NEGR1: variants seen among roughly 807,000 people sequenced by gnomAD.
NEGR1 encodes neuronal growth regulator 1.
NEGR1 carries 10 observed loss-of-function variants against 40.9 expected under a neutral mutation model. The observed-to-expected ratio is 0.24, with a 90% confidence interval of 0.15 to 0.42. The LOEUF is 0.42. Ranked by LOEUF, NEGR1 falls within the 10% of genes least tolerant of loss-of-function variation. The probability of loss-of-function intolerance (pLI) is 1.00; values close to 1 mark genes in which losing one functional copy is unlikely to be tolerated. For missense variants in NEGR1, 352 were observed against 438.9 expected (o/e 0.80, Z 1.77); for synonymous variants, 185 against 166.8 (o/e 1.11, Z -0.84).
chr1:72,243,975 C>G (rs1386794368), intron 1 of NEGR1, among the ~76,000 whole-genome samples: 1 of 151,734 alleles, frequency 6.6e-6, no homozygotes. Context: ...ATAGAGAAAG[C>G]TAGATTTATC....
chr1:72,052,551 G>T (rs1296636222), intron 1 of NEGR1, among the ~76,000 whole-genome samples: 1 of 151,370 alleles, frequency 6.6e-6, no homozygotes, highest in South Asian at 2.1e-4. Flanking sequence ...AACTTCAATT[G>T]ATGTCACAGG....
intron 2 of NEGR1, among the ~76,000 whole-genome samples, chr1:71,824,785 C>T (rs1339674696): frequency 2.0e-5 from 3 of 152,002 alleles, no homozygotes; most frequent in African/African-American, 7.2e-5. Context: ...TTCTTTTGCC[C>T]ACCAGAATGT....
chr1:71,702,987 T>C (rs1054974180), intron 3 of NEGR1, among the ~76,000 whole-genome samples: 1 of 152,044 alleles, frequency 6.6e-6, no homozygotes, highest in Non-Finnish European at 1.5e-5. Flanking sequence ...GGAGCTCATA[T>C]AGACAAAAAG....
chr1:71,869,685 A>G (rs1216937964), intron 2 of NEGR1, among the ~76,000 whole-genome samples: 1 of 152,170 alleles, frequency 6.6e-6, no homozygotes, highest in Non-Finnish European at 1.5e-5. Flanking sequence ...AAAACATAGT[A>G]ACAATCATAT....
chr1:71,983,325 C>T (rs535258381), intron 1 of NEGR1, among the ~76,000 whole-genome samples: 68 of 152,192 alleles, frequency 4.5e-4, no homozygotes, highest in African/African-American at 1.6e-3. Flanking sequence ...AGTACTTCTA[C>T]ACAGGGTTAT....
intron 6 of NEGR1, among the ~76,000 whole-genome samples, chr1:71,432,962 G>A (rs866092234): frequency 4.6e-5 from 7 of 152,174 alleles, no homozygotes; most frequent in Middle Eastern, 3.4e-3. Flanking sequence ...AACCTTGGGC[G>A]GCCAAGGGCC....
At chr1:71,740,204 C>T (rs1210629120) in intron 3 of NEGR1, among the ~76,000 whole-genome samples, 2 of 152,088 alleles carry the variant, frequency 1.3e-5, no homozygotes, top group Non-Finnish European at 2.9e-5. Flanking sequence ...TGAAGGCAGT[C>T]GAAACGTTTT....
intron 2 of NEGR1, among the ~76,000 whole-genome samples, chr1:71,780,058 A>G (rs1451821948): frequency 4.0e-5 from 6 of 150,048 alleles, no homozygotes; most frequent in African/African-American, 9.8e-5. Flanking sequence ...AAAAAAAAAA[A>G]AAAAAAAAAA....
At chr1:72,272,495 T>C (rs1655877367) in intron 1 of NEGR1, among the ~76,000 whole-genome samples, 1 of 152,014 alleles carries the variant, frequency 6.6e-6, no homozygotes, top group Non-Finnish European at 1.5e-5. Context: ...GATACCCTTA[T>C]ATAACAGGAT....
intron 6 of NEGR1, among the ~76,000 whole-genome samples, chr1:71,440,004 T>C (rs565156369): frequency 2.6e-5 from 4 of 152,208 alleles, no homozygotes; most frequent in Non-Finnish European, 5.9e-5. Context: ...ATAATTTTAT[T>C]GTTTTATTTT....
chr1:71,787,366 G>T (rs1431738391), intron 2 of NEGR1, among the ~76,000 whole-genome samples: 1 of 152,064 alleles, frequency 6.6e-6, no homozygotes, highest in Non-Finnish European at 1.5e-5. Context: ...TACTTATGTT[G>T]AAAACAAAAA....
intron 6 of NEGR1, among the ~76,000 whole-genome samples, chr1:71,447,114 T>C (rs1490479670): frequency 2.0e-5 from 3 of 152,222 alleles, no homozygotes; most frequent in Non-Finnish European, 4.4e-5. Flanking sequence ...CAGCGGGCCT[T>C]ACTGTCTGAA....
chr1:71,419,140 C>T (rs1041040218), intron 6 of NEGR1, among the ~76,000 whole-genome samples: 5 of 152,138 alleles, frequency 3.3e-5, no homozygotes, highest in African/African-American at 1.2e-4. Flanking sequence ...GCTTTCCCTT[C>T]TTCCCTATTT....
chr1:71,563,966 A>T (rs1198042965), intron 6 of NEGR1, among the ~76,000 whole-genome samples: 1 of 151,986 alleles, frequency 6.6e-6, no homozygotes, highest in Non-Finnish European at 1.5e-5. Flanking sequence ...GAGGAAAAAA[A>T]AAAAGACCAA....
intron 4 of NEGR1, among the ~76,000 whole-genome samples, chr1:71,660,408 T>G (rs2101589903): frequency 6.6e-6 from 1 of 152,188 alleles, no homozygotes; most frequent in East Asian, 1.9e-4. Flanking sequence ...TGAAATCATA[T>G]GTACAACAAG....
intron 1 of NEGR1, among the ~76,000 whole-genome samples, chr1:72,052,203 C>G (rs1008357895): frequency 5.9e-5 from 9 of 151,498 alleles, no homozygotes; most frequent in African/African-American, 2.2e-4. Flanking sequence ...GAAAGTGCTT[C>G]GTCAGGGTTG....
At chr1:71,446,258 A>G (rs903180075) in intron 6 of NEGR1, among the ~76,000 whole-genome samples, 11 of 152,204 alleles carry the variant, frequency 7.2e-5, no homozygotes, top group African/African-American at 2.7e-4. Flanking sequence ...TAGGCATTTC[A>G]AATCAGTTGT....
chr1:71,507,762 G>T (rs1647045285), intron 6 of NEGR1, among the ~76,000 whole-genome samples: 1 of 152,198 alleles, frequency 6.6e-6, no homozygotes, highest in Non-Finnish European at 1.5e-5. Context: ...CCTCAAGGGT[G>T]TTAAGGGGAA....
At chr1:72,031,206 C>T (rs1646855530) in intron 1 of NEGR1, among the ~76,000 whole-genome samples, 1 of 152,080 alleles carries the variant, frequency 6.6e-6, no homozygotes, top group African/African-American at 2.4e-5. Flanking sequence ...GGAAGGCTCA[C>T]CATAAGAGAC....
Sources: allele counts gnomAD v4.1 joint callset (sites outside exome capture counted in the v4.1 genomes callset), GRCh38; gene constraint gnomAD v4.1.1; transcripts MANE v1.5; gene names NCBI Gene and HGNC (gene_info 2026-07-23, HGNC 2026-07-21).